Variants in ARHGAP22 observed in about 807,000 individuals in gnomAD.
The protein encoded by ARHGAP22 is Rho GTPase activating protein 22.
ARHGAP22 carries 48 observed loss-of-function variants against 59.1 expected under a neutral mutation model. That is an observed-to-expected ratio of 0.81 (90% CI 0.64 to 1.03). The LOEUF is 1.03. ARHGAP22 is among the 50% of genes least tolerant of loss of function. The pLI, the probability that ARHGAP22 is intolerant of heterozygous loss-of-function variation, is 0.00. For synonymous variants in ARHGAP22, 445 were observed against 416.4 expected, an observed-to-expected ratio of 1.07 and a Z score of -0.84; for missense variants, 1,015 against 958.7, an observed-to-expected ratio of 1.06 and a Z score of -0.78.
chr10:48,480,604 G>A (rs1009578063), intron 3 of ARHGAP22, among the ~76,000 whole-genome samples: 1 of 152,204 alleles, frequency 6.6e-6, no homozygotes, highest in Non-Finnish European at 1.5e-5. Flanking sequence ...TGGAGCCTGT[G>A]ACCCAGGGAT....
At chr10:48,478,815 C>T (rs938699158) in intron 4 of ARHGAP22, among the ~76,000 whole-genome samples, 3 of 152,162 alleles carry the variant, frequency 2.0e-5, no homozygotes, top group African/African-American at 7.2e-5. Context: ...TGCAGCTGGC[C>T]ACTTTGCACC....
intron 3 of ARHGAP22, among the ~76,000 whole-genome samples, chr10:48,547,014 GGC>G (rs1232642128): frequency 1.3e-5 from 2 of 152,158 alleles, no homozygotes; most frequent in Admixed American, 6.5e-5. Context: ...TGAGTAGCAT[GGC>G]TATGCTCACA....
chr10:48,435,067 C>A, the ARHGAP22 span: 7 of 1,451,788 alleles, frequency 4.8e-6, no homozygotes, highest in Admixed American at 8.4e-5. Context: ...GATGGGGAGT[C>A]GGTTAGTCAT....
At chr10:48,606,205 T>G (rs1251614168), upstream of ARHGAP22, among the ~76,000 whole-genome samples, 1 of 152,134 alleles carries the variant, frequency 6.6e-6, no homozygotes, top group Non-Finnish European at 1.5e-5. Context: ...GAGTGCCCCA[T>G]GTCCACAGAT....
chr10:48,463,277 C>T (rs573369420), intron 4 of ARHGAP22, among the ~76,000 whole-genome samples: 1 of 152,320 alleles, frequency 6.6e-6, no homozygotes, highest in Admixed American at 6.5e-5. Context: ...GACAGGTATT[C>T]GTTCACCTCT....
At position 48,450,557 on chromosome 10, in the gene ARHGAP22, G is replaced by GC. The variant is rs1554845541; in HGVS notation, c.1571dup (p.Ser525LeufsTer81). 7 of 1,525,392 alleles carry GC rather than the reference G, an allele frequency of 4.6e-6. No individual in the cohort carries two copies. Among genetic ancestry groups the GC allele is most frequent in the South Asian group, 3.7e-5 (3 of 80,672 alleles). The allele number at this position is 1,525,392 out of a possible 1,614,324, so 94.5% of individuals were successfully genotyped here. A position where few individuals can be genotyped will look rare whatever the true frequency, so the allele number is the denominator to read the frequency against. ...GGCAGGCCGTGCAGCTGCTGAGTGA[G>GC]CCCCCCACCGACGACTCGCTGGACG... On this transcript the variant is annotated frameshift_variant, in exon 9 of 10. Transcript: ENST00000249601. LOFTEE classifies it high-confidence loss of function.
intron 3 of ARHGAP22, among the ~76,000 whole-genome samples, chr10:48,499,787 A>G (rs1445289731): frequency 1.3e-5 from 2 of 152,252 alleles, no homozygotes; most frequent in Non-Finnish European, 2.9e-5. Context: ...TGCGAAATTA[A>G]TATATAAAAA....
chr10:48,502,414 A>T (rs2051616827), intron 3 of ARHGAP22, among the ~76,000 whole-genome samples: 2 of 152,188 alleles, frequency 1.3e-5, no homozygotes, highest in African/African-American at 2.4e-5. Flanking sequence ...TCCCTTCTCC[A>T]TTGAGAATCT....
At chr10:48,557,346 G>A (rs2057372478) in intron 2 of ARHGAP22, among the ~76,000 whole-genome samples, 1 of 152,146 alleles carries the variant, frequency 6.6e-6, no homozygotes, top group African/African-American at 2.4e-5. Flanking sequence ...CGTACAAGGA[G>A]AGTAACAATA....
chr10:48,525,255 G>T (rs1365742337), intron 3 of ARHGAP22, among the ~76,000 whole-genome samples: 1 of 152,140 alleles, frequency 6.6e-6, no homozygotes, highest in East Asian at 1.9e-4. Flanking sequence ...GCAAAAAGTT[G>T]GAACCACCAA....
chr10:48,590,641 T>C (rs2059695755), intron 1 of ARHGAP22, among the ~76,000 whole-genome samples: 1 of 152,206 alleles, frequency 6.6e-6, no homozygotes, highest in Non-Finnish European at 1.5e-5. Flanking sequence ...TTGAGTGGCC[T>C]GGTCAGGACT....
intron 3 of ARHGAP22, among the ~76,000 whole-genome samples, chr10:48,506,050 T>C (rs1223857633): frequency 6.6e-6 from 1 of 152,078 alleles, no homozygotes; most frequent in East Asian, 1.9e-4. Context: ...GCTCCTTCCC[T>C]CTTCACGAGG....
chr10:48,476,098 G>T (rs1238265385), intron 4 of ARHGAP22, among the ~76,000 whole-genome samples: 1 of 152,136 alleles, frequency 6.6e-6, no homozygotes, highest in African/African-American at 2.4e-5. Flanking sequence ...TGCTCAGCTG[G>T]TCACCCGCCT....
chr10:48,451,227 G>C, intron 8 of ARHGAP22, 87 bp from the exon 9 acceptor site: 1 of 1,522,834 alleles, frequency 6.6e-7, no homozygotes, highest in Non-Finnish European at 8.9e-7. Context: ...CTGCAGCTTC[G>C]TGGGAGCTGG....
intron 9 of ARHGAP22, among the ~76,000 whole-genome samples, chr10:48,449,780 G>A (rs1802546155): frequency 7.3e-6 from 1 of 137,064 alleles, no homozygotes; most frequent in Non-Finnish European, 1.6e-5. Context: ...GGACACGAGG[G>A]CTTGGTTCAG....
At chr10:48,511,095 C>A (rs1589845538) in intron 3 of ARHGAP22, among the ~76,000 whole-genome samples, 1 of 152,218 alleles carries the variant, frequency 6.6e-6, no homozygotes, top group East Asian at 1.9e-4. Context: ...TGTTTGCAGG[C>A]AGGTGACTCC....
chr10:48,491,793 A>T (rs1219708889), intron 3 of ARHGAP22, among the ~76,000 whole-genome samples: 3 of 152,240 alleles, frequency 2.0e-5, no homozygotes, highest in African/African-American at 7.2e-5. Context: ...TTTTAAAGAG[A>T]GGTAACTGAG....
At chr10:48,578,408 A>G (rs889525113) in intron 2 of ARHGAP22, among the ~76,000 whole-genome samples, 1 of 152,056 alleles carries the variant, frequency 6.6e-6, no homozygotes, top group African/African-American at 2.4e-5. Flanking sequence ...CTAGTGCTGT[A>G]TCATGAAGTT....
At chr10:48,639,804 A>C (rs1254599300) in intron 1 of ARHGAP22, among the ~76,000 whole-genome samples, 1 of 152,228 alleles carries the variant, frequency 6.6e-6, no homozygotes, top group Non-Finnish European at 1.5e-5. Context: ...CTAACAACCA[A>C]AAAACAAAAG....
Sources: gnomAD v4.1 joint callset for allele counts (sites outside exome capture counted in the v4.1 genomes callset) on GRCh38, gnomAD v4.1.1 for gene constraint, MANE v1.5 for transcripts, NCBI Gene and HGNC (gene_info 2026-07-23, HGNC 2026-07-21) for gene names.